The following NPSR1 variants were observed in gnomAD, a reference collection of about 807,000 sequenced individuals.
NPSR1 encodes neuropeptide S receptor.
In NPSR1, 48 loss-of-function variants were observed where a neutral mutation model predicts 46.9. That is an observed-to-expected ratio of 1.02 (90% confidence interval 0.81 to 1.30). The LOEUF (loss-of-function observed/expected upper bound fraction) is 1.30, where lower values mean the gene tolerates loss of function less well. Ranked by LOEUF, NPSR1 falls within the 50% of genes most tolerant of loss-of-function variation. The pLI, the probability that NPSR1 is intolerant of heterozygous loss-of-function variation, is 0.00. For synonymous variants in NPSR1, 176 were observed against 168.1 expected, an observed-to-expected ratio of 1.05 and a Z score of -0.36; for missense variants, 450 against 449.5, an observed-to-expected ratio of 1.00 and a Z score of -0.01.
intron 2 of NPSR1, among the ~76,000 whole-genome samples, chr7:34,739,633 G>A (rs1318262300): frequency 1.3e-5 from 2 of 152,142 alleles, no homozygotes; most frequent in South Asian, 4.1e-4. Flanking sequence ...TTTTCCTAGG[G>A]ATGTGGCTTC....
intron 8 of NPSR1, among the ~76,000 whole-genome samples, chr7:34,860,044 T>C (rs542279041): frequency 2.6e-5 from 4 of 151,654 alleles, no homozygotes; most frequent in African/African-American, 9.8e-5. Flanking sequence ...TCAAGACATC[T>C]CTAATTCTTC....
intron 2 of NPSR1, among the ~76,000 whole-genome samples, chr7:34,727,813 G>A (rs17198254): frequency 0.13 from 19,107 of 152,150 alleles, 1,471 homozygotes; most frequent in Non-Finnish European, 0.17. Context: ...ACATTAAAGT[G>A]CCCTTTCTTC....
Position 34,868,517 on chromosome 7 carries a change from T to A in NPSR1, c.1026-9559T>A, listed in dbSNP as rs1047046081. ...ACAGAGCTGCACTCAACATCTAGCA[T>A]GACCCTCAGCAGGATGCACCACTAG... is the stretch of plus-strand genomic sequence containing the variant. On this transcript the variant is annotated intron_variant, in intron 8 of 8. Coordinates refer to the NPSR1 transcript ENST00000359791. Among the ~76,000 whole-genome samples the A allele has an allele frequency of 2.6e-5, 4 of 151,822 alleles. No homozygotes were observed. The East Asian group carries it at 7.7e-4, about 29-fold the overall frequency.
intron 3 of NPSR1, among the ~76,000 whole-genome samples, chr7:34,810,168 A>G (rs1281882302): frequency 6.6e-6 from 1 of 152,242 alleles, no homozygotes; most frequent in Non-Finnish European, 1.5e-5. Context: ...CCAAGAAGAA[A>G]GTGAAGTAAA....
chr7:34,718,622 T>A (rs1044355327), intron 2 of NPSR1, among the ~76,000 whole-genome samples: 5 of 152,222 alleles, frequency 3.3e-5, no homozygotes, highest in African/African-American at 9.6e-5. Flanking sequence ...AGGGTAGACC[T>A]ACATTGAAGA....
chr7:34,709,158 C>T (rs570877628), intron 2 of NPSR1, among the ~76,000 whole-genome samples: 1 of 152,172 alleles, frequency 6.6e-6, no homozygotes, highest in South Asian at 2.1e-4. Flanking sequence ...GAGAATTTGG[C>T]GGCCTCATTA....
intron 3 of NPSR1, among the ~76,000 whole-genome samples, chr7:34,795,645 A>G (rs1041171150): frequency 3.3e-5 from 5 of 152,172 alleles, no homozygotes; most frequent in Non-Finnish European, 7.4e-5. Context: ...TTAAAAAACA[A>G]TATTATCTGC....
intron 2 of NPSR1, chr7:34,751,057 T>A: frequency 1.3e-6 from 1 of 779,682 alleles, no homozygotes; most frequent in Non-Finnish European, 2.4e-6. Context: ...AGCATGGCCA[T>A]CTCACTCACC....
At chr7:34,714,800 A>G (rs986680596) in intron 2 of NPSR1, among the ~76,000 whole-genome samples, 40 of 152,214 alleles carry the variant, frequency 2.6e-4, no homozygotes, top group African/African-American at 8.4e-4. Context: ...TAAGCTGTGC[A>G]TTGAGAAGTG....
chr7:34,862,475 T>C (rs1423430444), intron 8 of NPSR1, among the ~76,000 whole-genome samples: 2 of 151,812 alleles, frequency 1.3e-5, no homozygotes, highest in Non-Finnish European at 2.9e-5. Flanking sequence ...TTCTCTTTCC[T>C]GCTCTTTCAT....
At chr7:34,698,324 C>A (rs924471012) in intron 2 of NPSR1, among the ~76,000 whole-genome samples, 1 of 151,936 alleles carries the variant, frequency 6.6e-6, no homozygotes, top group Admixed American at 6.6e-5. Context: ...TGTTTTATTT[C>A]AATACAAAGT....
At chr7:34,804,629 C>G (rs938147125) in intron 3 of NPSR1, among the ~76,000 whole-genome samples, 13 of 151,972 alleles carry the variant, frequency 8.6e-5, no homozygotes, top group Admixed American at 8.5e-4. Context: ...TAAAGATGTC[C>G]TCTCTCGCCA....
intron 4 of NPSR1, among the ~76,000 whole-genome samples, chr7:34,822,315 G>C (rs1789597555): frequency 6.6e-6 from 1 of 152,306 alleles, no homozygotes; most frequent in East Asian, 1.9e-4. Context: ...CCCCGAGAGT[G>C]GCAGGGCTCT....
intron 1 of NPSR1, among the ~76,000 whole-genome samples, chr7:34,661,732 G>T (rs1403482214): frequency 2.0e-5 from 3 of 152,148 alleles, no homozygotes. Context: ...CTAACCCTAC[G>T]TGGTCTTGGG....
chr7:34,764,425 TATAA>T (rs1786330803), intron 2 of NPSR1, among the ~76,000 whole-genome samples: 1 of 152,214 alleles, frequency 6.6e-6, no homozygotes, highest in Non-Finnish European at 1.5e-5. Flanking sequence ...AGCTTATTTT[TATAA>T]ATAAAGTTTT....
At chr7:34,723,099 G>A (rs570897033) in intron 2 of NPSR1, among the ~76,000 whole-genome samples, 60 of 152,230 alleles carry the variant, frequency 3.9e-4, no homozygotes, top group Non-Finnish European at 5.4e-4. Flanking sequence ...GAGCAAATCC[G>A]TCCATCCTGG....
intron 3 of NPSR1, among the ~76,000 whole-genome samples, chr7:34,790,079 T>C (rs533372219): frequency 6.6e-6 from 1 of 152,158 alleles, no homozygotes; most frequent in South Asian, 2.1e-4. Context: ...ATGAGAAAAT[T>C]ACAGGGCAAT....
intron 4 of NPSR1, among the ~76,000 whole-genome samples, chr7:34,816,198 C>T (rs1401628604): frequency 1.5e-5 from 2 of 136,632 alleles, no homozygotes; most frequent in East Asian, 4.4e-4. Flanking sequence ...TACACATAGG[C>T]TCAAAATAAA....
At chr7:34,660,966 A>G (rs1382545977) in intron 1 of NPSR1, among the ~76,000 whole-genome samples, 1 of 152,164 alleles carries the variant, frequency 6.6e-6, no homozygotes, top group African/African-American at 2.4e-5. Context: ...TGTTGGCTGA[A>G]TGTGTTACAG....
Sources: allele counts gnomAD v4.1 joint callset (sites outside exome capture counted in the v4.1 genomes callset), GRCh38; gene constraint gnomAD v4.1.1; transcripts MANE v1.5; gene names NCBI Gene and HGNC (gene_info 2026-07-23, HGNC 2026-07-21).